Variants in CACNA2D2 observed in about 807,000 individuals in gnomAD.
The protein encoded by CACNA2D2 is voltage-dependent calcium channel subunit alpha-2/delta-2.
CACNA2D2 carries 48 observed loss-of-function variants against 166.4 expected under a neutral mutation model. The ratio of observed to expected loss-of-function variants is 0.29; its 90% confidence interval spans 0.23 to 0.37. CACNA2D2 has a LOEUF of 0.37. Ranked by LOEUF, CACNA2D2 falls within the 10% of genes least tolerant of loss-of-function variation. The probability of loss-of-function intolerance (pLI) is 1.00; values close to 1 mark genes in which losing one functional copy is unlikely to be tolerated. For missense variants in CACNA2D2, 1,122 were observed against 1,433.0 expected (o/e 0.78, Z 3.50); for synonymous variants, 561 against 573.7 (o/e 0.98, Z 0.32).
At position 50,378,955 on chromosome 3, in the gene CACNA2D2, A is replaced by G. The variant is rs1304601790; in HGVS notation, c.1299T>C (p.Tyr433=). The G allele has an allele frequency of 6.2e-6, 10 of 1,613,766 alleles. No homozygotes were observed. The highest frequency in any genetic ancestry group is 3.3e-5 in the Admixed American group (2 of 60,010). Residue 433 remains tyrosine, a synonymous_variant, in exon 13 of 38, where the codon TAT becomes TAC. Coordinates refer to ENST00000424201, the MANE Select transcript of CACNA2D2 (RefSeq NM_006030.4). ...VFTFSVGQHN[Y]DVTPLQWMAC... ...CCATCCACTGCAGCGGTGTGACGTC[A>G]TAGTTATGCTGCCCCACGGAGAAAG... is the stretch of plus-strand genomic sequence containing the variant.
chr3:50,406,653 C>T (rs1328927736), intron 3 of CACNA2D2, among the ~76,000 whole-genome samples: 3 of 151,794 alleles, frequency 2.0e-5, no homozygotes, highest in Non-Finnish European at 4.4e-5. Context: ...TCAGCTCCAC[C>T]ATCACTACCT....
At position 50,427,061 on chromosome 3, in the gene CACNA2D2, C is replaced by T. The variant is rs1046276658; in HGVS notation, c.405+7252G>A. ...ACTCATGTCCAGCTGTTGGGGGTAGCGTCTTTGCCCAAGGCTCACGCTGAC... is the reference window on the plus strand; with the variant it reads ...ACTCATGTCCAGCTGTTGGGGGTAGTGTCTTTGCCCAAGGCTCACGCTGAC... On this transcript the variant is annotated intron_variant, in intron 3 of 37. Coordinates refer to ENST00000424201, the MANE Select transcript of CACNA2D2 (RefSeq NM_006030.4). This position sits in a 1 kb window ranked among gnomAD's most constrained non-coding sequence, Gnocchi z 4.7. Among the ~76,000 whole-genome samples the T allele has an allele frequency of 6.6e-6, 1 of 152,176 alleles. No homozygotes were observed. Among genetic ancestry groups the T allele is most frequent in the Non-Finnish European group, 1.5e-5 (1 of 68,018 alleles).
intron 1 of CACNA2D2, among the ~76,000 whole-genome samples, chr3:50,499,196 C>G (rs1409165993): frequency 6.6e-6 from 1 of 152,178 alleles, no homozygotes; most frequent in Non-Finnish European, 1.5e-5. Context: ...ATGGGAAGGC[C>G]TCTGGAAGGT....
At chr3:50,374,884 T>TGG in intron 21 of CACNA2D2, 71 bp from the exon 22 acceptor site, 1 of 1,286,814 alleles carries the variant, frequency 7.8e-7, no homozygotes, top group Non-Finnish European at 1.1e-6. Context: ...CCCATGGCCT[T>TGG]GGAGCTGGGC....
At chr3:50,447,619 C>T (rs954350175) in intron 2 of CACNA2D2, among the ~76,000 whole-genome samples, 3 of 152,178 alleles carry the variant, frequency 2.0e-5, no homozygotes, top group South Asian at 4.1e-4. Flanking sequence ...TCACTCAGTC[C>T]GCCCCTGGGG....
intron 2 of CACNA2D2, among the ~76,000 whole-genome samples, chr3:50,457,491 A>C (rs747345010): frequency 2.0e-4 from 30 of 152,160 alleles, no homozygotes; most frequent in Non-Finnish European, 3.5e-4. Flanking sequence ...ACCCTCTCTC[A>C]GGGGCCAATG....
chr3:50,435,767 C>G (rs1358944129), intron 2 of CACNA2D2, among the ~76,000 whole-genome samples: 1 of 152,188 alleles, frequency 6.6e-6, no homozygotes, highest in African/African-American at 2.4e-5. Context: ...CCGCCACCCC[C>G]ATCCCTCCCG....
chr3:50,371,306 T>C (rs144490133), intron 22 of CACNA2D2, among the ~76,000 whole-genome samples: 2 of 152,188 alleles, frequency 1.3e-5, no homozygotes, highest in East Asian at 1.9e-4. Flanking sequence ...GCCTGTGCCC[T>C]GGGCTTATGA....
In CACNA2D2 at chr3:50,381,088, G is replaced by A. The variant is rs587617827; in HGVS notation, c.691C>T (p.Leu231=). 1 of 1,613,994 alleles carries A rather than the reference G, an allele frequency of 6.2e-7. No individual in the cohort carries two copies. Among genetic ancestry groups the A allele is most frequent in the African/African-American group, 1.3e-5 (1 of 75,016 alleles). Residue 231 remains leucine, a synonymous_variant, in exon 7 of 38, where the codon CTG becomes TTG. Coordinates refer to ENST00000424201, the MANE Select transcript of CACNA2D2 (RefSeq NM_006030.4). ...ILNELNWTEA[L]ENVFMENRRQ... ...CGGTTTTCCATGAACACATTCTCCA[G>A]GGCCTCTGTCCAGTTGAGCTCATTG...
chr3:50,483,466 G>T (rs1698143874), intron 1 of CACNA2D2, among the ~76,000 whole-genome samples: 1 of 152,182 alleles, frequency 6.6e-6, no homozygotes, highest in Non-Finnish European at 1.5e-5. Flanking sequence ...CCCTTTCTTT[G>T]CCGAGAAGAG....
intron 3 of CACNA2D2, among the ~76,000 whole-genome samples, chr3:50,408,344 T>A (rs1242609465): frequency 1.3e-5 from 2 of 152,248 alleles, no homozygotes; most frequent in East Asian, 3.8e-4. Flanking sequence ...GCTGTCACTC[T>A]GCTGGATGTG....
Position 50,375,613 on chromosome 3 carries a change from T to C in CACNA2D2, c.1907+31A>G. On this transcript the variant is annotated intron_variant, in intron 21 of 37. Coordinates refer to ENST00000424201, the MANE Select transcript of CACNA2D2 (RefSeq NM_006030.4). This position sits in a 1 kb window ranked among gnomAD's most constrained non-coding sequence, Gnocchi z 4.0. The stretch of plus-strand genomic sequence containing the variant: ...CTCAGATTCTGGGGCCACCCCACCC[T>C]CTCTGCCCGCCCAGCCCTGGCCTCA... The C allele has an allele frequency of 2.6e-6, 3 of 1,171,942 alleles. No homozygotes were observed. The highest frequency in any genetic ancestry group is 3.7e-6 in the Non-Finnish European group (3 of 810,298). The allele number at this position is 1,171,942 out of a possible 1,614,324, so 72.6% of individuals were successfully genotyped here.
intron 2 of CACNA2D2, among the ~76,000 whole-genome samples, chr3:50,440,162 A>C (rs185289073): frequency 2.0e-5 from 3 of 152,286 alleles, no homozygotes; most frequent in Admixed American, 1.3e-4. Context: ...CAAAAACCCT[A>C]ATCTGGCTGC....
chr3:50,457,738 T>C (rs1709423117), intron 2 of CACNA2D2, among the ~76,000 whole-genome samples: 1 of 152,180 alleles, frequency 6.6e-6, no homozygotes, highest in African/African-American at 2.4e-5. Context: ...CCTCCACCTT[T>C]TATATATGAA....
At chr3:50,417,062 C>T (rs1283677684) in intron 3 of CACNA2D2, among the ~76,000 whole-genome samples, 1 of 152,198 alleles carries the variant, frequency 6.6e-6, no homozygotes, top group African/African-American at 2.4e-5. Context: ...GGGTTTTATA[C>T]ATGCACTTGT....
At chr3:50,462,436 A>G (rs974306197) in intron 2 of CACNA2D2, among the ~76,000 whole-genome samples, 6 of 136,620 alleles carry the variant, frequency 4.4e-5, no homozygotes, top group East Asian at 2.1e-4. Context: ...TAATAATGAT[A>G]ATAATAATAA....
rs145448879 is a variant in CACNA2D2 at position 50,424,890 on chromosome 3, T to C, written c.405+9423A>G. Among the ~76,000 whole-genome samples, 977 of 152,062 alleles carry C rather than the reference T, an allele frequency of 6.4e-3. 6 individuals are homozygous for C. The highest frequency in any genetic ancestry group is 0.017 in the Middle Eastern group (5 of 294). ...AGCTTGGGGAAGACAGCTGAGGGTC[T>C]AGGAGGGTCCCGAGGGCCTTCTTGC... On this transcript the variant is annotated intron_variant, in intron 3 of 37. Transcript: ENST00000424201.
chr3:50,440,708 C>G (rs1052216205), intron 2 of CACNA2D2, among the ~76,000 whole-genome samples: 1 of 152,144 alleles, frequency 6.6e-6, no homozygotes, highest in Non-Finnish European at 1.5e-5. Flanking sequence ...TATCCTCCCC[C>G]ACCCCCACCT....
intron 2 of CACNA2D2, among the ~76,000 whole-genome samples, chr3:50,467,474 C>A (rs918978147): frequency 5.9e-5 from 9 of 152,210 alleles, no homozygotes; most frequent in Non-Finnish European, 1.2e-4. Context: ...CGCTTTGCTT[C>A]TCCATCTACT....
Sources: allele counts gnomAD v4.1 joint callset (sites outside exome capture counted in the v4.1 genomes callset), GRCh38; gene constraint gnomAD v4.1.1; non-coding constraint Gnocchi (gnomAD v3.1); transcripts MANE v1.5; gene names NCBI Gene and HGNC (gene_info 2026-07-23, HGNC 2026-07-21).